Variants in FLG observed in about 807,000 individuals in gnomAD.
FLG encodes the protein filaggrin.
FLG carries 6 observed loss-of-function variants against 3.8 expected under a neutral mutation model. The observed-to-expected ratio is 1.60, with a 90% CI of 0.87 to 3.15. The LOEUF (loss-of-function observed/expected upper bound fraction) is 3.15. FLG is among the 30% of genes most tolerant of loss of function. The pLI is 0.00. For missense variants in FLG, 7,595 were observed against 5,050.9 expected (o/e 1.50, Z -15.27); for synonymous variants, 2,551 against 1,931.6 (o/e 1.32, Z -8.41).
rs779005414 is a variant in FLG at position 152,304,313 on chromosome 1, G to T, written c.10573C>A (p.Gln3525Lys). ...CTGCTTGTCCTGGGCCCCGCTGATT[G>T]TCCCTGGCCGGACTGTGAGTGTCTA... The part of the protein sequence containing the change: ...SSRHSQSGQG[Q>K]SAGPRTSRNQ... The change falls in exon 3 of 3, where the codon CAA becomes AAA. Residue 3525 changes from glutamine (Q) to lysine (K), a missense_variant. Coordinates refer to ENST00000368799, the MANE Select transcript of FLG (RefSeq NM_002016.2). 4.3e-6 allele frequency: 7 copies of T among 1,611,830 alleles called. No homozygotes were observed. The highest frequency in any genetic ancestry group is 3.4e-6 in the Non-Finnish European group (4 of 1,178,950).
chr1:152,302,649 G>T lies in FLG; in HGVS notation c.*51C>A. 1.2e-6 allele frequency: 2 copies of T among 1,603,746 alleles called. No individual in the cohort carries two copies. The highest frequency in any genetic ancestry group is 2.2e-5 in the South Asian group (2 of 89,346). On this transcript the variant is annotated 3_prime_UTR_variant, in exon 3 of 3. Coordinates refer to ENST00000368799, the MANE Select transcript of FLG (RefSeq NM_002016.2). ...ATTATGAAGTTTCTTGATTGAAAGT[G>T]AACTTGCTTCATTCTTCTATTCTTG...
chr1:152,305,088 G>A lies in FLG; in HGVS notation c.9798C>T (p.His3266=). 1 of 1,613,932 alleles carries A rather than the reference G, an allele frequency of 6.2e-7. No homozygotes were observed. The highest frequency in any genetic ancestry group is 8.5e-7 in the Non-Finnish European group (1 of 1,179,966). The change falls in exon 3 of 3, where the codon CAC becomes CAT. Residue 3266 remains histidine (H), a synonymous_variant. Transcript: ENST00000368799. ...SHHEDRAGHG[H]SADRSRQSGT... ...CTGATTGTCTGGAGCGGTCTGCAGAGTGCCCGTGACCGGCTCTGTCTTCGT... is the reference window on the plus strand; with the variant it reads ...CTGATTGTCTGGAGCGGTCTGCAGAATGCCCGTGACCGGCTCTGTCTTCGT...
Position 152,304,907 on chromosome 1 carries a change from C to A in FLG, c.9979G>T (p.Val3327Phe), listed in dbSNP as rs763655543. The A allele has an allele frequency of 1.2e-6, 2 of 1,613,878 alleles. No individual in the cohort carries two copies. The highest frequency in any genetic ancestry group is 2.2e-5 in the South Asian group (2 of 91,020). The change falls in exon 3 of 3, where the codon GTC becomes TTC. Residue 3327 changes from valine (V) to phenylalanine (F), a missense_variant. Coordinates refer to ENST00000368799, the MANE Select transcript of FLG (RefSeq NM_002016.2). ...GIPRGQASSA[V>F]RDSRHWGSSG... ...GACCCCCAGTGTCTACTGTCTCTGACTGCAGATGAAGCTTGTCCACGCGGA... is the reference window on the plus strand; with the variant it reads ...GACCCCCAGTGTCTACTGTCTCTGAATGCAGATGAAGCTTGTCCACGCGGA...
In FLG at chr1:152,304,732, G is replaced by A; in HGVS notation, c.10154C>T (p.Ser3385Phe). ...RSGGRSGRSG[S>F]FLYQVSTHEQ... The stretch of plus-strand genomic sequence containing the variant: ...ATGAGTGCTCACCTGGTAGAGGAAA[G>A]ACCCTGAACGTCCAGACCTTCCCCC... Residue 3385 changes from serine (S) to phenylalanine (F), a missense_variant, in exon 3 of 3, where the codon TCT becomes TTT. Ser to Phe is a radical substitution (Grantham distance 155, BLOSUM62 -2). Coordinates refer to ENST00000368799, the MANE Select transcript of FLG (RefSeq NM_002016.2). 1 of 1,613,572 alleles carries A rather than the reference G, an allele frequency of 6.2e-7. No homozygotes were observed. The highest frequency in any genetic ancestry group is 2.2e-5 in the East Asian group (1 of 44,752).
intron 1 of FLG, among the ~76,000 whole-genome samples, chr1:152,323,051 CTT>C (rs1055346971): frequency 1.3e-5 from 2 of 151,388 alleles, no homozygotes; most frequent in Non-Finnish European, 1.5e-5. Context: ...TAAAGTCAGT[CTT>C]ATATCACTCT....
Position 152,306,196 on chromosome 1 carries a change from C to A in FLG, c.8690G>T (p.Ser2897Ile), listed in dbSNP as rs754966493. Residue 2897 changes from serine to isoleucine, a missense_variant, in exon 3 of 3, where the codon AGT becomes ATT. Coordinates refer to ENST00000368799, the MANE Select transcript of FLG (RefSeq NM_002016.2). The part of the protein sequence containing the change: ...QGSSVSQDSD[S>I]EGHSEDSERW... ...CTCAGAGTCTTCTGAATGTCCCTCA[C>A]TGTCACTGTCCTGGCTCACACTGGA... 1 of 1,603,472 alleles carries A rather than the reference C, an allele frequency of 6.2e-7. No individual in the cohort carries two copies. The highest frequency in any genetic ancestry group is 1.1e-5 in the South Asian group (1 of 91,080).
At chr1:152,314,930 G>C in intron 2 of FLG, 183 bp from the exon 3 acceptor site, 1 of 642,572 alleles carries the variant, frequency 1.6e-6, no homozygotes, top group Non-Finnish European at 2.6e-6. Context: ...CAAAGATGTA[G>C]ACTAGTAAGG....
In FLG at chr1:152,307,813, C is replaced by G. The variant is rs375801669; in HGVS notation, c.7073G>C (p.Ser2358Thr). 5 of 1,613,490 alleles carry G rather than the reference C, an allele frequency of 3.1e-6. No homozygotes were observed. The highest frequency in any genetic ancestry group is 8.5e-7 in the Non-Finnish European group (1 of 1,179,900). The change falls in exon 3 of 3, where the codon AGT becomes ACT. Residue 2358 changes from serine (S) to threonine (T), a missense_variant. By Grantham distance (58) the Ser-to-Thr change is moderately conservative (BLOSUM62 1). Coordinates refer to ENST00000368799, the MANE Select transcript of FLG (RefSeq NM_002016.2). Reference sequence around the variant, plus strand: ...ACTACCACTGGACCCTCGGTGTCCACTGTCTCTGACTGCAGATGAAGCTTG... The same window carrying G: ...ACTACCACTGGACCCTCGGTGTCCAGTGTCTCTGACTGCAGATGAAGCTTG... ...HGQASSAVRDSGHRGSSGSQA... is the reference protein window; with the variant it reads ...HGQASSAVRDTGHRGSSGSQA...
intron 1 of FLG, among the ~76,000 whole-genome samples, chr1:152,319,672 G>A (rs1304464528): frequency 6.6e-6 from 1 of 151,400 alleles, no homozygotes; most frequent in African/African-American, 2.4e-5. Context: ...GCTAAAAGAC[G>A]ATGAAATGTT....
Position 152,308,859 on chromosome 1 carries a change from G to C in FLG, c.6027C>G (p.His2009Gln). Residue 2009 changes from histidine to glutamine, a missense_variant, in exon 3 of 3, where the codon CAC (histidine) becomes CAG (glutamine). Physicochemically the swap from His to Gln is conservative, Grantham distance 24 (BLOSUM62 0). Coordinates refer to ENST00000368799, the MANE Select transcript of FLG (RefSeq NM_002016.2). The part of the protein sequence containing the change: ...SSAGERHGSH[H>Q]QLQSADSSRH... ...TGGAGCTGTCTGCTGACTGGAGCTG[G>C]TGGTGGGATCCATGTCTTTCTCCTG... 2 of 1,614,100 alleles carry C rather than the reference G, an allele frequency of 1.2e-6. No individual in the cohort carries two copies. The highest frequency in any genetic ancestry group is 2.2e-5 in the South Asian group (2 of 91,070).
Position 152,309,370 on chromosome 1 carries a change from G to T in FLG, c.5516C>A (p.Ser1839Ter). 1 of 1,613,874 alleles carries T rather than the reference G, an allele frequency of 6.2e-7. No individual in the cohort carries two copies. The change falls in exon 3 of 3, where the codon TCA becomes TAA. Residue 1839 changes from serine to a stop codon, truncating the protein, a stop_gained. Coordinates refer to ENST00000368799, the MANE Select transcript of FLG (RefSeq NM_002016.2). LOFTEE classifies it low-confidence loss of function (END_TRUNC). ...YEQSVDSSGH[S>*]GSHHSHTTSQ... Reference sequence around the variant, plus strand: ...CGTGGTGTGGCTGTGATGAGACCCTGAGTGTCCAGAACTATCTACCGATTG... The same window carrying T: ...CGTGGTGTGGCTGTGATGAGACCCTTAGTGTCCAGAACTATCTACCGATTG...
rs746671388 is a variant in FLG at position 152,303,291 on chromosome 1, C to A, written c.11595G>T (p.Gln3865His). 1 of 1,614,002 alleles carries A rather than the reference C, an allele frequency of 6.2e-7. No homozygotes were observed. The highest frequency in any genetic ancestry group is 2.2e-5 in the East Asian group (1 of 44,886). Residue 3865 changes from glutamine to histidine, a missense_variant, in exon 3 of 3, where the codon CAG (glutamine) becomes CAT (histidine). Gln to His is a conservative substitution (Grantham distance 24). Transcript: ENST00000368799. ...RSRRQGSSVSQDSDSEAYPED... is the reference protein window; with the variant it reads ...RSRRQGSSVSHDSDSEAYPED... ...CTGGGTATGCCTCACTGTCACTGTC[C>A]TGGCTAACACTGGATCCCTGGCGCC... is the stretch of plus-strand genomic sequence containing the variant.
chr1:152,308,446 C>T lies in FLG; in HGVS notation c.6440G>A (p.Gly2147Glu). 4.3e-6 allele frequency: 7 copies of T among 1,613,822 alleles called. No homozygotes were observed. Among genetic ancestry groups the T allele is most frequent in the African/African-American group, 1.3e-5 (1 of 74,978 alleles). The part of the protein sequence containing the change: ...TIRGHPGPSR[G>E]GRQGSHQEQS... ...CTCTTGGTGGGACCCCTGTCTTCCT[C>T]CTCTGCTTGGCCCCGGGTGTCCACG... The change falls in exon 3 of 3, where the codon GGA becomes GAA. Residue 2147 changes from glycine to glutamate, a missense_variant. Gly to Glu is a moderately conservative substitution (Grantham distance 98, BLOSUM62 -2). Transcript: ENST00000368799.
Position 152,309,236 on chromosome 1 carries a change from G to T in FLG, c.5650C>A (p.Arg1884Ser), listed in dbSNP as rs142911187. ...SGDGSRHSGS[R>S]HHEASSRADS... ...GCCCGAGAGGAAGCTTCATGGTGAC[G>T]CGACCCTGAGTGCCTGGAGCCGTCT... The change falls in exon 3 of 3, where the codon CGT (arginine) becomes AGT (serine). Residue 1884 changes from arginine to serine, a missense_variant. Coordinates refer to ENST00000368799, the MANE Select transcript of FLG (RefSeq NM_002016.2). 6.2e-7 allele frequency: 1 copy of T among 1,613,590 alleles called. No homozygotes were observed. Among genetic ancestry groups the T allele is most frequent in the Non-Finnish European group, 8.5e-7 (1 of 1,179,928 alleles).
chr1:152,320,616 TGG>T (rs1195920078), intron 1 of FLG, among the ~76,000 whole-genome samples: 17 of 151,024 alleles, frequency 1.1e-4, no homozygotes, highest in Admixed American at 1.3e-4. Context: ...ACAATCATAG[TGG>T]GGTATTTAAA....
rs554101492 is a variant in FLG, at chr1:152,308,189, G to T, written c.6697C>A (p.Pro2233Thr). ...GATCCCCGGGGCCTGCTTGTCCTGG[G>T]CCCTGATGATTGTCCCTGGCCCACC... ...SLVGQGQSSG[P>T]RTSRPRGSSV... Residue 2233 changes from proline to threonine, a missense_variant, in exon 3 of 3, where the codon CCC becomes ACC. By Grantham distance (38) the Pro-to-Thr change is conservative. Coordinates refer to ENST00000368799, the MANE Select transcript of FLG (RefSeq NM_002016.2). The T allele has an allele frequency of 5.7e-6, 9 of 1,568,878 alleles. No individual in the cohort carries two copies. Among genetic ancestry groups the T allele is most frequent in the African/African-American group, 1.7e-5 (1 of 60,558 alleles).
chr1:152,313,867 T>C lies in FLG; in HGVS notation c.1019A>G (p.Asp340Gly), dbSNP rs1652641460. The change falls in exon 3 of 3, where the codon GAT becomes GGT. Residue 340 changes from aspartate to glycine, a missense_variant. Asp to Gly is a moderately conservative substitution (Grantham distance 94). Transcript: ENST00000368799. ...GTGCCCATGACTGGCTCTGTCTTCA[T>C]CATGGGACCTGGGGTGTCTGGAGCC... ...RDGSRHPRSH[D>G]EDRASHGHSA... is the part of the protein sequence containing the mutation. 1 of 1,613,904 alleles carries C rather than the reference T, an allele frequency of 6.2e-7. No individual in the cohort carries two copies. The highest frequency in any genetic ancestry group is 8.5e-7 in the Non-Finnish European group (1 of 1,179,948).
At position 152,305,605 on chromosome 1, in the gene FLG, GC is replaced by G. The variant is rs777848510; in HGVS notation, c.9280del (p.Ala3094HisfsTer37). 1 of 1,499,468 alleles carries G rather than the reference GC, an allele frequency of 6.7e-7. No homozygotes were observed. The highest frequency in any genetic ancestry group is 8.9e-7 in the Non-Finnish European group (1 of 1,128,740). 92.9% of individuals were successfully genotyped at this position (1,499,468 alleles called of 1,614,324 possible). ...TGCTGAGTGCCTGGAGCTGTCTTGTGCCTGCTCATGGCGGGATCCTTGTCTT... is the reference window on the plus strand; with the variant it reads ...TGCTGAGTGCCTGGAGCTGTCTTGTGCTGCTCATGGCGGGATCCTTGTCTT... ...RGRQGSRHEQAQDSSRHSASQ... is the reference protein window; with the variant it reads ...RGRQGSRHEQXQDSSRHSASQ... On this transcript the variant is annotated frameshift_variant, in exon 3 of 3. Transcript: ENST00000368799. LOFTEE classifies it low-confidence loss of function (END_TRUNC).
rs780446767 is a variant in FLG at position 152,314,181 on chromosome 1, T to C, written c.705A>G (p.Thr235=). Residue 235 remains threonine, a synonymous_variant, in exon 3 of 3, where the codon ACA becomes ACG. Transcript: ENST00000368799. ...AGGCTTCATCCTGGATTGTGTAATA[T>C]GTGGCAATATGGCCTGATTGTATCC... is the stretch of plus-strand genomic sequence containing the variant. The part of the protein sequence containing the change: ...QKWIQSGHIA[T]YYTIQDEAYD... 2.5e-6 allele frequency: 4 copies of C among 1,614,204 alleles called. No individual in the cohort carries two copies. The highest frequency in any genetic ancestry group is 1.7e-5 in the Admixed American group (1 of 60,030).
Sources: gnomAD v4.1 joint callset for allele counts (sites outside exome capture counted in the v4.1 genomes callset) on GRCh38, gnomAD v4.1.1 for gene constraint, MANE v1.5 for transcripts, NCBI Gene and HGNC (gene_info 2026-07-23, HGNC 2026-07-21) for gene names.